Variants in STARD10 observed in about 807,000 individuals in gnomAD.
STARD10 encodes the protein START domain-containing protein 10.
In STARD10, 24 loss-of-function variants were observed where a neutral mutation model predicts 36.0. The observed-to-expected ratio is 0.67, with a 90% CI of 0.48 to 0.94. The LOEUF (loss-of-function observed/expected upper bound fraction) is 0.94, where lower values mean the gene tolerates loss of function less well. Ranked by LOEUF, STARD10 falls within the 40% of genes least tolerant of loss-of-function variation. The pLI, the probability that STARD10 is intolerant of heterozygous loss-of-function variation, is 0.00. For synonymous variants in STARD10, 156 were observed against 161.9 expected, an observed-to-expected ratio of 0.96 and a Z score of 0.28; for missense variants, 335 against 396.6, an observed-to-expected ratio of 0.84 and a Z score of 1.32.
Position 72,781,110 on chromosome 11 carries a change from C to T in STARD10, c.72G>A (p.Val24=). Residue 24 remains valine, a synonymous_variant, in exon 2 of 7, where the codon GTG becomes GTA. Coordinates refer to ENST00000334805, the MANE Select transcript of STARD10 (RefSeq NM_006645.3). The surrounding 1 kb of genome is among the most constrained non-coding windows in gnomAD (Gnocchi z 4.7). ...AGCTGCGAAAGTCTTGGTCATCGGG[C>T]ACCTGGACACTCTCACGGCCCAGGA... The part of the protein sequence containing the change: ...RPVLGRESVQ[V]PDDQDFRSFR... 6.2e-7 allele frequency: 1 copy of T among 1,613,930 alleles called. No individual in the cohort carries two copies. Among genetic ancestry groups the T allele is most frequent in the Non-Finnish European group, 8.5e-7 (1 of 1,180,036 alleles).
intron 2 of STARD10, among the ~76,000 whole-genome samples, chr11:72,771,499 A>G (rs913626328): frequency 6.6e-6 from 1 of 152,110 alleles, no homozygotes; most frequent in Non-Finnish European, 1.5e-5. Flanking sequence ...CCTCCAACTC[A>G]TCTTCTTCCC....
chr11:72,789,023 C>G lies in STARD10; in HGVS notation c.-114+3852G>C, dbSNP rs149217211. ...GGTGTGCACTGCCACGCCCAGCTAA[C>G]TTTGTAATTTTTTGTAGAGATGGGG... is the stretch of plus-strand genomic sequence containing the variant. On this transcript the variant is annotated intron_variant, in intron 1 of 6. Coordinates refer to ENST00000334805, the MANE Select transcript of STARD10 (RefSeq NM_006645.3). Among the ~76,000 whole-genome samples, 407 of 149,924 alleles carry G rather than the reference C, an allele frequency of 2.7e-3. 1 individual carries two copies. The highest frequency in any genetic ancestry group is 4.4e-3 in the Non-Finnish European group (295 of 67,602).
chr11:72,780,409 C>A (rs1188256299), intron 2 of STARD10: 2 of 452,046 alleles, frequency 4.4e-6, no homozygotes, highest in Non-Finnish European at 8.9e-6. Context: ...GGAGCCCTGC[C>A]TTCAGGATCT....
At chr11:72,772,901 T>C (rs1858881448) in intron 2 of STARD10, among the ~76,000 whole-genome samples, 1 of 152,088 alleles carries the variant, frequency 6.6e-6, no homozygotes, top group African/African-American at 2.4e-5. Flanking sequence ...CCCCCAACCA[T>C]GCTGCCAGTC....
In STARD10 at chr11:72,757,730, A is replaced by G. The variant is rs781242958; in HGVS notation, c.577+37T>C. On this transcript the variant is annotated intron_variant, in intron 5 of 6. Transcript: ENST00000334805. ...AGGCCCCACCCCTGTGGTATAGGGA[A>G]GGATCCCATGATAGGCTGCCAGGGC... The G allele has an allele frequency of 3.2e-6, 5 of 1,564,094 alleles. No homozygotes were observed. In the African/African-American group the frequency reaches 5.4e-5, roughly 17 times the overall value.
chr11:72,762,449 C>T (rs1338255037), intron 2 of STARD10, among the ~76,000 whole-genome samples: 1 of 152,078 alleles, frequency 6.6e-6, no homozygotes, highest in Non-Finnish European at 1.5e-5. Flanking sequence ...CTCGAGACTG[C>T]AATATTGTTT....
rs1197995601 is a variant in STARD10 at position 72,755,039 on chromosome 11, G to A, written c.734C>T (p.Pro245Leu). Residue 245 changes from proline (P) to leucine (L), a missense_variant, in exon 7 of 7, where the codon CCG becomes CTG. Transcript: ENST00000334805. ...CGACAGCTCCGACAGCGCCAGGCTC[G>A]GCAACGGGCTCTGCTCCGGGTGCAG... ...PWLHPEQSPL[P>L]SLALSELSVQ... The A allele has an allele frequency of 4.3e-6, 7 of 1,613,118 alleles. No individual in the cohort carries two copies. Among genetic ancestry groups the A allele is most frequent in the South Asian group, 1.1e-5 (1 of 90,794 alleles).
intron 2 of STARD10, among the ~76,000 whole-genome samples, chr11:72,762,294 A>C (rs1488361334): frequency 2.6e-5 from 4 of 152,124 alleles, no homozygotes; most frequent in Non-Finnish European, 4.4e-5. Flanking sequence ...CAATTTGGAA[A>C]GGTCCCCCAG....
chr11:72,784,895 G>A (rs1268038248), intron 1 of STARD10, among the ~76,000 whole-genome samples: 1 of 152,228 alleles, frequency 6.6e-6, no homozygotes, highest in East Asian at 1.9e-4. Flanking sequence ...CACTGGGCAG[G>A]CCTGGATCTC....
At chr11:72,757,145 C>CAAAAAAAA (rs34839119) in intron 5 of STARD10, among the ~76,000 whole-genome samples, 8 of 102,160 alleles carry the variant, frequency 7.8e-5, no homozygotes, top group African/African-American at 2.5e-4. Flanking sequence ...AACTCTGTCT[C>CAAAAAAAA]AAAAAAAAAA....
At position 72,772,210 on chromosome 11, in the gene STARD10, C is replaced by T. The variant is rs548068557; in HGVS notation, c.207+8765G>A. Among the ~76,000 whole-genome samples, 17 of 137,964 alleles carry T rather than the reference C, an allele frequency of 1.2e-4. 1 individual carries two copies. The highest frequency in any genetic ancestry group is 3.8e-4 in the African/African-American group (15 of 39,242). 90.5% of individuals were successfully genotyped at this position (137,964 alleles called of 152,430 possible). A position where few individuals can be genotyped will look rare whatever the true frequency, so the allele number is the denominator to read the frequency against. On this transcript the variant is annotated intron_variant, in intron 2 of 6. Transcript: ENST00000334805. ...GGGGCATGGTTCTCCCTGTGCACAG[C>T]GCTGCCATAGCCATAGTGGGCATGG...
intron 1 of STARD10, among the ~76,000 whole-genome samples, chr11:72,787,660 C>A (rs996997217): frequency 6.6e-6 from 1 of 152,198 alleles, no homozygotes; most frequent in African/African-American, 2.4e-5. Flanking sequence ...TCCAAAAGCC[C>A]GGGAGTTTCC....
chr11:72,771,625 G>A (rs1858859762), intron 2 of STARD10, among the ~76,000 whole-genome samples: 1 of 152,124 alleles, frequency 6.6e-6, no homozygotes, highest in South Asian at 2.1e-4. Flanking sequence ...ATGCAGGGCT[G>A]AGTGACTCAT....
At chr11:72,769,950 G>A (rs947221249) in intron 2 of STARD10, among the ~76,000 whole-genome samples, 1 of 152,126 alleles carries the variant, frequency 6.6e-6, no homozygotes. Context: ...ACAGCTGCCA[G>A]AAATGTTCCT....
chr11:72,771,664 C>A (rs1043860426), intron 2 of STARD10, among the ~76,000 whole-genome samples: 39 of 152,234 alleles, frequency 2.6e-4, no homozygotes, highest in Non-Finnish European at 5.4e-4. Context: ...CCCCTTCCCT[C>A]CCTGGTCCCC....
chr11:72,774,690 C>G (rs1858907905), intron 2 of STARD10, among the ~76,000 whole-genome samples: 1 of 152,318 alleles, frequency 6.6e-6, no homozygotes, highest in African/African-American at 2.4e-5. Flanking sequence ...GTTTCTATCC[C>G]CATCTATCCT....
intron 2 of STARD10, among the ~76,000 whole-genome samples, chr11:72,774,367 G>A (rs1215853486): frequency 2.6e-5 from 4 of 152,218 alleles, no homozygotes; most frequent in Non-Finnish European, 4.4e-5. Flanking sequence ...TTATGCTAAA[G>A]CCCCAGAGAA....
intron 1 of STARD10, among the ~76,000 whole-genome samples, chr11:72,787,677 A>G (rs1859091580): frequency 6.6e-6 from 1 of 152,114 alleles, no homozygotes. Context: ...TTCCTGTCAG[A>G]GGCGCCTGAT....
chr11:72,764,129 CAACAA>C (rs1858754914), intron 2 of STARD10, among the ~76,000 whole-genome samples: 1 of 152,288 alleles, frequency 6.6e-6, no homozygotes, highest in African/African-American at 2.4e-5. Context: ...GGGGCAGTGA[CAACAA>C]AACCCTGCTT....
Sources: allele counts gnomAD v4.1 joint callset (sites outside exome capture counted in the v4.1 genomes callset), GRCh38; gene constraint gnomAD v4.1.1; non-coding constraint Gnocchi (gnomAD v3.1); transcripts MANE v1.5; gene names NCBI Gene and HGNC (gene_info 2026-07-23, HGNC 2026-07-21).